Variants in AGMO observed in about 807,000 individuals in gnomAD.
AGMO encodes glyceryl-ether monooxygenase.
Under a neutral mutation model 60.2 loss-of-function variants are expected in AGMO, and 75 were observed. The ratio of observed to expected loss-of-function variants is 1.25; its 90% CI spans 1.03 to 1.51. AGMO has a LOEUF of 1.51. AGMO is among the 40% of genes most tolerant of loss of function. The pLI, the probability that AGMO is intolerant of heterozygous loss-of-function variation, is 0.00. For missense variants in AGMO, 763 were observed against 525.5 expected, an observed-to-expected ratio of 1.45 and a Z score of -4.42; for synonymous variants, 261 against 177.1, an observed-to-expected ratio of 1.47 and a Z score of -3.76.
chr7:15,326,809 A>G (rs986527451), intron 12 of AGMO, among the ~76,000 whole-genome samples: 7 of 152,188 alleles, frequency 4.6e-5, no homozygotes, highest in Admixed American at 1.3e-4. Context: ...CAAAAGGCAT[A>G]GCGAAAAAGA....
chr7:15,433,966 A>G (rs1413549176), intron 3 of AGMO, among the ~76,000 whole-genome samples: 1 of 151,986 alleles, frequency 6.6e-6, no homozygotes, highest in Non-Finnish European at 1.5e-5. Flanking sequence ...TTTTATGAAG[A>G]TGTAACTTAC....
intron 3 of AGMO, among the ~76,000 whole-genome samples, chr7:15,455,246 C>T (rs1781971352): frequency 6.6e-6 from 1 of 152,072 alleles, no homozygotes; most frequent in Non-Finnish European, 1.5e-5. Flanking sequence ...ATGATGTTTT[C>T]TTCTTCCACA....
chr7:15,356,953 C>CAAAAAAAAAAAAAAAAA (rs917201250), intron 12 of AGMO, among the ~76,000 whole-genome samples: 1 of 68,922 alleles, frequency 1.5e-5, no homozygotes, highest in African/African-American at 5.6e-5. Flanking sequence ...ACTAAAATTA[C>CAAAAAAAAAAAAAAAAA]AAAAAAAAAA....
At chr7:15,259,323 C>T (rs1018687617) in intron 12 of AGMO, among the ~76,000 whole-genome samples, 1 of 151,572 alleles carries the variant, frequency 6.6e-6, no homozygotes, top group Non-Finnish European at 1.5e-5. Context: ...AGCTTGAAGA[C>T]AAGGCTTTTG....
chr7:15,364,777 A>G (rs1782907500), intron 12 of AGMO, among the ~76,000 whole-genome samples: 1 of 152,038 alleles, frequency 6.6e-6, no homozygotes, highest in African/African-American at 2.4e-5. Context: ...CACTGATGCT[A>G]AGAGCGGGGG....
intron 12 of AGMO, among the ~76,000 whole-genome samples, chr7:15,287,575 T>C: frequency 6.6e-6 from 1 of 152,168 alleles, no homozygotes; most frequent in Non-Finnish European, 1.5e-5. Context: ...TTTATGAAAA[T>C]TTACAAACAA....
intron 2 of AGMO, among the ~76,000 whole-genome samples, chr7:15,552,014 C>T (rs1315295505): frequency 1.3e-5 from 2 of 151,820 alleles, no homozygotes; most frequent in South Asian, 2.1e-4. Context: ...GAAATAATGC[C>T]ACATATCTGC....
At chr7:15,245,049 C>T (rs1782701196) in intron 12 of AGMO, among the ~76,000 whole-genome samples, 1 of 152,136 alleles carries the variant, frequency 6.6e-6, no homozygotes, top group Non-Finnish European at 1.5e-5. Flanking sequence ...AAGAAAGCAT[C>T]TTCAAGTCTA....
At chr7:15,413,421 G>T (rs575318165) in intron 5 of AGMO, among the ~76,000 whole-genome samples, 3 of 152,060 alleles carry the variant, frequency 2.0e-5, no homozygotes, top group African/African-American at 7.2e-5. Context: ...CAATGTTTAA[G>T]AAAATCATGA....
intron 12 of AGMO, among the ~76,000 whole-genome samples, chr7:15,318,010 ATT>A (rs5882495): frequency 4.6e-4 from 64 of 137,862 alleles, no homozygotes; most frequent in East Asian, 1.7e-3. Context: ...ATATACATAT[ATT>A]TTTTTTTTTT....
chr7:15,153,444 A>T, the AGMO span, among the ~76,000 whole-genome samples: 5 of 152,064 alleles, frequency 3.3e-5, 1 homozygote, highest in African/African-American at 1.2e-4. Context: ...GGTTTTTCCA[A>T]TGTTATCTTC....
intron 12 of AGMO, among the ~76,000 whole-genome samples, chr7:15,251,694 A>T (rs1029443737): frequency 1.3e-5 from 2 of 152,204 alleles, no homozygotes; most frequent in African/African-American, 4.8e-5. Context: ...CTAGAAGGCT[A>T]GTGTTAGACA....
intron 2 of AGMO, among the ~76,000 whole-genome samples, chr7:15,558,407 A>T (rs1334343393): frequency 1.3e-5 from 2 of 152,082 alleles, no homozygotes; most frequent in Non-Finnish European, 1.5e-5. Flanking sequence ...TCCATAACCT[A>T]TACACTTAAC....
At chr7:15,322,385 A>C (rs2128539251) in intron 12 of AGMO, among the ~76,000 whole-genome samples, 1 of 140,580 alleles carries the variant, frequency 7.1e-6, no homozygotes, top group Admixed American at 7.8e-5. Flanking sequence ...AGAATAAAAT[A>C]AGTTACCAAA....
chr7:15,192,499 A>G, the AGMO span, among the ~76,000 whole-genome samples: 1 of 151,936 alleles, frequency 6.6e-6, no homozygotes, highest in African/African-American at 2.4e-5. Flanking sequence ...CATCCATCCC[A>G]CTGAGAGCCA....
At chr7:15,488,246 G>A (rs1782972830) in intron 3 of AGMO, among the ~76,000 whole-genome samples, 1 of 152,140 alleles carries the variant, frequency 6.6e-6, no homozygotes, top group Non-Finnish European at 1.5e-5. Flanking sequence ...TTTAGCTTTG[G>A]TTATTAAAAA....
Position 15,352,445 on chromosome 7 carries a change from ATG to A in AGMO, c.1263+13067_1263+13068del, listed in dbSNP as rs202053914. Among the ~76,000 whole-genome samples the A allele has an allele frequency of 3.3e-4, 48 of 146,030 alleles. 1 individual carries two copies. Among genetic ancestry groups the A allele is most frequent in the African/African-American group, 1.1e-3 (42 of 38,926 alleles). ...GACATTTCTAATTGATTCCAGAAGT[ATG>A]TTTTTTTTTTTTTTTCCTTAGATCA... On this transcript the variant is annotated intron_variant, in intron 12 of 12. Transcript: ENST00000342526.
At chr7:15,239,826 A>G (rs1583318560) in intron 12 of AGMO, among the ~76,000 whole-genome samples, 1 of 152,136 alleles carries the variant, frequency 6.6e-6, no homozygotes, top group South Asian at 2.1e-4. Context: ...CTTGAACTGA[A>G]TAACACTGTT....
At chr7:15,412,711 A>C (rs1482933744) in intron 5 of AGMO, among the ~76,000 whole-genome samples, 1 of 150,616 alleles carries the variant, frequency 6.6e-6, no homozygotes, top group African/African-American at 2.4e-5. Flanking sequence ...AAAAAAAGAC[A>C]AGGCTTGCCC....
Sources: allele counts gnomAD v4.1 joint callset (sites outside exome capture counted in the v4.1 genomes callset), GRCh38; gene constraint gnomAD v4.1.1; transcripts MANE v1.5; gene names NCBI Gene and HGNC (gene_info 2026-07-23, HGNC 2026-07-21).